The following NR1H2 variants were observed in gnomAD, a reference collection of about 807,000 sequenced individuals.
NR1H2 encodes the protein oxysterols receptor LXR-beta.
NR1H2 carries 33 observed loss-of-function variants against 51.2 expected under a neutral mutation model. The observed-to-expected ratio is 0.64, with a 90% CI of 0.49 to 0.86. The LOEUF is 0.86. Among genes scored for constraint, NR1H2 ranks in the 40% least tolerant of loss-of-function variants. The pLI, the probability that NR1H2 is intolerant of heterozygous loss-of-function variation, is 0.00. For missense variants in NR1H2, 592 were observed against 639.9 expected (o/e 0.93, Z 0.81); for synonymous variants, 310 against 264.3 (o/e 1.17, Z -1.68).
chr19:50,377,007 G>A (rs2037676660), intron 2 of NR1H2, among the ~76,000 whole-genome samples, 181 bp downstream of exon 2: 3 of 137,064 alleles, frequency 2.2e-5, no homozygotes, highest in Admixed American at 2.2e-4. Flanking sequence ...AGTAGGAAGG[G>A]AGGAGGCGGG....
At chr19:50,379,980 A>C in intron 8 of NR1H2, 101 bp downstream of exon 8, 1 of 802,922 alleles carries the variant, frequency 1.2e-6, no homozygotes, top group Non-Finnish European at 2.2e-6. Context: ...TTTATCTCCA[A>C]AGTTGGGGTG....
chr19:50,377,367 C>T (rs1226229367), intron 2 of NR1H2: 2 of 472,216 alleles, frequency 4.2e-6, no homozygotes, highest in Non-Finnish European at 7.4e-6. Context: ...ACAGCAGGGG[C>T]GGGGCTTAAG....
At chr19:50,379,922 T>C in intron 8 of NR1H2, 43 bp downstream of exon 8, 1 of 1,317,272 alleles carries the variant, frequency 7.6e-7, no homozygotes, top group Non-Finnish European at 1.1e-6. Context: ...GCGCCCCTGC[T>C]GGCTGGAAGA....
At chr19:50,379,680 TA>T in intron 7 of NR1H2, 99 bp from the exon 8 acceptor site, 1 of 761,460 alleles carries the variant, frequency 1.3e-6, no homozygotes, top group Non-Finnish European at 2.4e-6. Flanking sequence ...GGACAAGGGA[TA>T]ATCCTGGTGA....
At chr19:50,377,458 C>A in intron 2 of NR1H2, 129 bp from the exon 3 acceptor site, 2 of 663,340 alleles carry the variant, frequency 3.0e-6, no homozygotes, top group South Asian at 2.1e-5. Context: ...TGGCAGGAAC[C>A]AGGGTTGTGG....
intron 8 of NR1H2, among the ~76,000 whole-genome samples, chr19:50,381,474 C>T (rs1334067395): frequency 2.0e-5 from 3 of 152,226 alleles, no homozygotes; most frequent in Admixed American, 1.3e-4. Flanking sequence ...TGTCTATGAC[C>T]GGTCCCCTAG....
At chr19:50,379,933 CCTGGGGCCAACTCA>C in intron 8 of NR1H2, 54 bp downstream of exon 8, 1 of 1,173,074 alleles carries the variant, frequency 8.5e-7, no homozygotes, top group East Asian at 2.3e-5. Flanking sequence ...GGCTGGAAGA[CCTGGGGCCAACTCA>C]TCCCTGTTGG....
chr19:50,379,292 A>T, intron 7 of NR1H2, 111 bp downstream of exon 7: 1 of 1,181,764 alleles, frequency 8.5e-7, no homozygotes. Context: ...TTCCACGGCG[A>T]ATAGAGTCTT....
At position 50,378,513 on chromosome 19, in the gene NR1H2, C is replaced by T; in HGVS notation, c.473-9C>T. 4.4e-6 allele frequency: 7 copies of T among 1,599,158 alleles called. No individual in the cohort carries two copies. The highest frequency in any genetic ancestry group is 6.0e-6 in the Non-Finnish European group (7 of 1,170,762). On this transcript the variant is annotated splice_polypyrimidine_tract_variant and intron_variant, in intron 5 of 9. Coordinates refer to ENST00000253727, the MANE Select transcript of NR1H2 (RefSeq NM_007121.7). ...CTGGGGTTCTGCTGAGGCCTGCATC[C>T]CCCTACAGGCGTCCTTTCTGAAGAA...
At chr19:50,379,284 C>G in intron 7 of NR1H2, 103 bp downstream of exon 7, 1 of 1,249,896 alleles carries the variant, frequency 8.0e-7, no homozygotes, top group Non-Finnish European at 1.1e-6. Flanking sequence ...GGATGACATT[C>G]CACGGCGAAT....
intron 9 of NR1H2, 33 bp downstream of exon 9, chr19:50,382,207 A>G (rs1165361454): frequency 2.7e-6 from 4 of 1,488,028 alleles, no homozygotes; most frequent in Non-Finnish European, 3.6e-6. Flanking sequence ...CGCAGAGCCA[A>G]CTACGTCCCG....
intron 9 of NR1H2, 75 bp from the exon 10 acceptor site, chr19:50,382,381 C>T: frequency 6.6e-7 from 1 of 1,516,412 alleles, no homozygotes; most frequent in Non-Finnish European, 8.8e-7. Context: ...AGGGGCCCTC[C>T]TTTCTGTTGG....
At chr19:50,379,274 G>A (rs1215215899) in intron 7 of NR1H2, 93 bp downstream of exon 7, 1 of 1,334,110 alleles carries the variant, frequency 7.5e-7, no homozygotes, top group African/African-American at 1.5e-5. Context: ...TGCCGTTGTA[G>A]GATGACATTC....
intron 8 of NR1H2, 119 bp downstream of exon 8, chr19:50,379,998 A>C: frequency 1.4e-6 from 1 of 717,264 alleles, no homozygotes; most frequent in Non-Finnish European, 2.5e-6. Context: ...GTGAGGGTTG[A>C]GCCAAGGTGA....
At chr19:50,381,006 C>T (rs1160822561) in intron 8 of NR1H2, among the ~76,000 whole-genome samples, 1 of 152,210 alleles carries the variant, frequency 6.6e-6, no homozygotes, top group African/African-American at 2.4e-5. Context: ...AGCTAGAGTC[C>T]TCTCTGTGGC....
Position 50,377,876 on chromosome 19 carries a change from A to G in NR1H2, c.181+6A>G. 6.5e-7 allele frequency: 1 copy of G among 1,547,124 alleles called. No individual in the cohort carries two copies. Among genetic ancestry groups the G allele is most frequent in the Non-Finnish European group, 8.7e-7 (1 of 1,151,972 alleles). ...AGCCTGCAGCACAGACTGGGGTGAG[A>G]CAGGGCCCTGGAGTTGATGTGGGGG... On this transcript the variant is annotated splice_donor_region_variant and intron_variant, in intron 4 of 9. Coordinates refer to ENST00000253727, the MANE Select transcript of NR1H2 (RefSeq NM_007121.7).
In NR1H2 at chr19:50,378,552, A is replaced by C; in HGVS notation, c.503A>C (p.Lys168Thr). 5 of 1,535,706 alleles carry C rather than the reference A, an allele frequency of 3.3e-6. No individual in the cohort carries two copies. Among genetic ancestry groups the C allele is most frequent in the Non-Finnish European group, 3.5e-6 (4 of 1,150,490 alleles). The change falls in exon 6 of 10, where the codon AAG becomes ACG. Residue 168 changes from lysine (K) to threonine (T), a missense_variant. This residue lies in a region of NR1H2 where 316 missense variants were observed against 313.4 expected (regional missense o/e 1.01). Transcript: ENST00000253727. ...CVLSEEQIRK[K>T]KIRKQQQESQ... ...CTTTCTGAAGAACAGATCCGGAAGA[A>C]GAAGATTCGGAAACAGCAGCAGGAG...
Position 50,376,791 on chromosome 19 carries a change from C to T in NR1H2, c.-55C>T, listed in dbSNP as rs957646964. 6.6e-6 allele frequency: 1 copy of T among 152,048 alleles called. No individual in the cohort carries two copies. Among genetic ancestry groups the T allele is most frequent in the Non-Finnish European group, 1.5e-5 (1 of 68,024 alleles). 9.4% of individuals were successfully genotyped at this position (152,048 alleles called of 1,614,324 possible). A position where few individuals can be genotyped will look rare whatever the true frequency, so the allele number is the denominator to read the frequency against. On this transcript the variant is annotated 5_prime_UTR_variant, in exon 2 of 10. Transcript: ENST00000253727. ...GCGCGCAGCCATGAGCCCCGCCCCC[C>T]GCTGTTGCTTGGAGAGGGGCGGGAC...
In NR1H2 at chr19:50,382,602, AG is replaced by A; in HGVS notation, c.*4del. On this transcript the variant is annotated 3_prime_UTR_variant, in exon 10 of 10. Transcript: ENST00000253727. ...CGGAGATCTGGGACGTCCACGAGTGAGGGGCTGGCCACCCAGCCCCACAGCC... is the reference window on the plus strand; with the variant it reads ...CGGAGATCTGGGACGTCCACGAGTGAGGGCTGGCCACCCAGCCCCACAGCC... 1 of 1,564,544 alleles carries A rather than the reference AG, an allele frequency of 6.4e-7. No individual in the cohort carries two copies. The highest frequency in any genetic ancestry group is 1.4e-5 in the African/African-American group (1 of 73,682).
Sources: gnomAD v4.1 joint callset for allele counts (sites outside exome capture counted in the v4.1 genomes callset) on GRCh38, gnomAD v4.1.1 for gene constraint, gnomAD v4.1.1 regional missense constraint, MANE v1.5 for transcripts, NCBI Gene and HGNC (gene_info 2026-07-23, HGNC 2026-07-21) for gene names.